Variants in FGF12 observed in about 807,000 individuals in gnomAD.
The protein encoded by FGF12 is fibroblast growth factor 12.
FGF12 carries 14 observed loss-of-function variants against 23.6 expected under a neutral mutation model. The ratio of observed to expected loss-of-function variants is 0.59; its 90% CI spans 0.39 to 0.93. FGF12 has a LOEUF of 0.93. FGF12 is among the 40% of genes least tolerant of loss of function. The pLI is 0.00. For missense variants in FGF12, 175 were observed against 217.8 expected (o/e 0.80, Z 1.24); for synonymous variants, 62 against 77.3 (o/e 0.80, Z 1.04).
intron 4 of FGF12, among the ~76,000 whole-genome samples, chr3:192,178,079 C>T (rs1240867776): frequency 6.6e-6 from 1 of 152,132 alleles, no homozygotes; most frequent in Non-Finnish European, 1.5e-5. Flanking sequence ...TGAATTTTTT[C>T]TTCCTGTATA....
chr3:192,156,876 C>T (rs1208374620), intron 5 of FGF12, among the ~76,000 whole-genome samples: 1 of 152,128 alleles, frequency 6.6e-6, no homozygotes, highest in East Asian at 1.9e-4. Context: ...ACTCTTATTT[C>T]ACTTCTTTTC....
chr3:192,198,456 C>T (rs999339558), intron 4 of FGF12, among the ~76,000 whole-genome samples: 1 of 152,020 alleles, frequency 6.6e-6, no homozygotes, highest in African/African-American at 2.4e-5. Context: ...TAATAATGCT[C>T]ACTAAATTTG....
intron 2 of FGF12, among the ~76,000 whole-genome samples, chr3:192,533,207 C>T (rs1445174608): frequency 6.6e-6 from 1 of 152,124 alleles, no homozygotes; most frequent in Non-Finnish European, 1.5e-5. Context: ...TTGGTATGTT[C>T]AAGAACTGGC....
At chr3:192,191,671 T>C (rs1324336536) in intron 4 of FGF12, among the ~76,000 whole-genome samples, 1 of 151,938 alleles carries the variant, frequency 6.6e-6, no homozygotes, top group Non-Finnish European at 1.5e-5. Flanking sequence ...CCGTCTCTAC[T>C]AAAAATAACA....
chr3:192,726,021 T>C (rs930932847), intron 2 of FGF12, among the ~76,000 whole-genome samples: 3 of 152,344 alleles, frequency 2.0e-5, no homozygotes, highest in African/African-American at 4.8e-5. Flanking sequence ...CTTTTTATAC[T>C]ATAAATGCTT....
intron 2 of FGF12, among the ~76,000 whole-genome samples, chr3:192,591,632 T>C (rs1713628966): frequency 6.6e-6 from 1 of 151,828 alleles, no homozygotes. Flanking sequence ...CATTTACTCA[T>C]AAGGCAAAAA....
chr3:192,547,600 G>A (rs575093931), intron 2 of FGF12, among the ~76,000 whole-genome samples: 1 of 152,222 alleles, frequency 6.6e-6, no homozygotes, highest in Admixed American at 6.5e-5. Context: ...AGCTTATGTT[G>A]CAGTAAAATT....
rs115679028 is a variant in FGF12 at position 192,287,619 on chromosome 3, G to A, written c.228+47742C>T. ...CAAAGTAGACTGGGGTCCTTCAGTG[G>A]AGGGGCAAATGATTGCAAAACCTTC... On this transcript the variant is annotated intron_variant, in intron 4 of 5. Coordinates refer to ENST00000445105, the MANE Select transcript of FGF12 (RefSeq NM_004113.6). 5.2e-3 allele frequency among the ~76,000 whole-genome samples: 796 copies of A among 152,122 alleles called. 4 individuals are homozygous for A. Among genetic ancestry groups the A allele is most frequent in the Non-Finnish European group, 7.2e-3 (492 of 67,946 alleles).
chr3:192,575,654 C>CTT (rs61382312), intron 2 of FGF12, among the ~76,000 whole-genome samples: 24 of 150,540 alleles, frequency 1.6e-4, no homozygotes, highest in African/African-American at 3.9e-4. Context: ...TTTGCTAATG[C>CTT]TTTTTTTTTG....
At chr3:192,599,705 C>A (rs1012393526) in intron 2 of FGF12, among the ~76,000 whole-genome samples, 1 of 151,666 alleles carries the variant, frequency 6.6e-6, no homozygotes, top group East Asian at 1.9e-4. Flanking sequence ...ACTGAGGATA[C>A]GACATTTAAA....
intron 2 of FGF12, among the ~76,000 whole-genome samples, chr3:192,396,141 G>GT (rs1353292506): frequency 2.0e-5 from 3 of 152,104 alleles, no homozygotes; most frequent in African/African-American, 7.2e-5. Context: ...AGAAATTACT[G>GT]TTTTTCTTGA....
chr3:192,188,419 G>C (rs887967694), intron 4 of FGF12, among the ~76,000 whole-genome samples: 1 of 152,186 alleles, frequency 6.6e-6, no homozygotes, highest in African/African-American at 2.4e-5. Context: ...GCCGCCACTA[G>C]GTGGCGGGGT....
intron 4 of FGF12, among the ~76,000 whole-genome samples, chr3:192,200,399 A>G (rs1321422856): frequency 6.6e-6 from 1 of 152,212 alleles, no homozygotes; most frequent in Non-Finnish European, 1.5e-5. Context: ...TAAAATGAGA[A>G]TGCCAATCAA....
At position 192,444,023 on chromosome 3, in the gene FGF12, C is replaced by T. The variant is rs1032979981; in HGVS notation, c.14-83485G>A. On this transcript the variant is annotated intron_variant, in intron 2 of 5. Transcript: ENST00000445105. ...TCAGGACCATGGATTCTCAGAGTTC[C>T]GGAAGTCCCTATAGTGCCATAATAA... Among the ~76,000 whole-genome samples the T allele has an allele frequency of 3.9e-5, 6 of 152,276 alleles. No homozygotes were observed. In the East Asian group the frequency reaches 9.7e-4, roughly 25 times the overall value.
Position 192,409,671 on chromosome 3 carries a change from G to C in FGF12, c.14-49133C>G, listed in dbSNP as rs976974924. Among the ~76,000 whole-genome samples the C allele has an allele frequency of 6.6e-6, 1 of 152,172 alleles. No individual in the cohort carries two copies. Among genetic ancestry groups the C allele is most frequent in the South Asian group, 2.1e-4 (1 of 4,834 alleles). On this transcript the variant is annotated intron_variant, in intron 2 of 5. Transcript: ENST00000445105. This position sits in a 1 kb window ranked among gnomAD's most constrained non-coding sequence, Gnocchi z 4.8. ...CTGGCTGCAGGCGATGTTGGCTCGC[G>C]GCGGCTGAGGCTCCTGGCCGGAGCT...
At chr3:192,309,390 C>T (rs1715820065) in intron 4 of FGF12, among the ~76,000 whole-genome samples, 1 of 152,192 alleles carries the variant, frequency 6.6e-6, no homozygotes, top group Non-Finnish European at 1.5e-5. Context: ...CAAAAAACTC[C>T]ATCATCTCTG....
chr3:192,247,476 A>G (rs113037744), intron 4 of FGF12, among the ~76,000 whole-genome samples: 43 of 152,302 alleles, frequency 2.8e-4, no homozygotes, highest in African/African-American at 1.0e-3. Context: ...CATGAATACA[A>G]TATGATTTAA....
At chr3:192,246,536 TA>T (rs1189483471) in intron 4 of FGF12, among the ~76,000 whole-genome samples, 11 of 151,932 alleles carry the variant, frequency 7.2e-5, no homozygotes, top group African/African-American at 2.7e-4. Context: ...TAAGAAAGCC[TA>T]AAGCTGCCGG....
Position 192,589,363 on chromosome 3 carries a change from A to T in FGF12, c.13+137818T>A, listed in dbSNP as rs187697767. Among the ~76,000 whole-genome samples the T allele has an allele frequency of 4.9e-3, 745 of 151,692 alleles. 15 individuals are homozygous for T. Among genetic ancestry groups the T allele is most frequent in the Middle Eastern group, 0.01 (3 of 294 alleles). The stretch of plus-strand genomic sequence containing the variant: ...AAAAAAAAAAGTCCTAAAATTTTTT[A>T]AAAAAAGAAAACAACTGCTACTGGA... On this transcript the variant is annotated intron_variant, in intron 2 of 5. Coordinates refer to ENST00000445105, the MANE Select transcript of FGF12 (RefSeq NM_004113.6).
Sources: allele counts gnomAD v4.1 joint callset (sites outside exome capture counted in the v4.1 genomes callset), GRCh38; gene constraint gnomAD v4.1.1; non-coding constraint Gnocchi (gnomAD v3.1); transcripts MANE v1.5; gene names NCBI Gene and HGNC (gene_info 2026-07-23, HGNC 2026-07-21).